The following DRC1 variants were observed in gnomAD, a reference collection of about 807,000 sequenced individuals.
DRC1 encodes the protein dynein regulatory complex subunit 1.
In DRC1, 74 loss-of-function variants were observed where a neutral mutation model predicts 98.7. The ratio of observed to expected loss-of-function variants is 0.75; its 90% CI spans 0.62 to 0.91. DRC1 has a LOEUF of 0.91. Ranked by LOEUF, DRC1 falls within the 40% of genes least tolerant of loss-of-function variation. DRC1 has a pLI of 0.00. For synonymous variants in DRC1, 336 were observed against 334.1 expected, an observed-to-expected ratio of 1.01 and a Z score of -0.06; for missense variants, 875 against 886.0, an observed-to-expected ratio of 0.99 and a Z score of 0.16.
intron 4 of DRC1, among the ~76,000 whole-genome samples, chr2:26,424,990 T>C (rs1333540734): frequency 6.6e-6 from 1 of 152,174 alleles, no homozygotes; most frequent in Non-Finnish European, 1.5e-5. Context: ...AGTTCAGTCA[T>C]GTTAAGTATA....
intron 10 of DRC1, among the ~76,000 whole-genome samples, chr2:26,446,409 G>A (rs138746606): frequency 9.1e-4 from 138 of 152,220 alleles, no homozygotes; most frequent in African/African-American, 3.3e-3. Flanking sequence ...TAGAAACCAC[G>A]CTGTGGGCGC....
chr2:26,418,864 TACA>T (rs1678945339), intron 2 of DRC1, among the ~76,000 whole-genome samples: 1 of 139,924 alleles, frequency 7.1e-6, no homozygotes, highest in African/African-American at 2.6e-5. Flanking sequence ...ATATTATATA[TACA>T]ACATTATATA....
intron 13 of DRC1, among the ~76,000 whole-genome samples, chr2:26,453,047 A>G (rs1306619093): frequency 1.3e-5 from 2 of 152,208 alleles, no homozygotes; most frequent in Non-Finnish European, 2.9e-5. Flanking sequence ...GAAGATTTCT[A>G]ACATGTAAGC....
intron 2 of DRC1, among the ~76,000 whole-genome samples, chr2:26,415,973 C>A (rs1678789398): frequency 6.7e-6 from 1 of 150,048 alleles, no homozygotes. Context: ...GATCTCTGAG[C>A]ATTTCTGTGT....
intron 7 of DRC1, among the ~76,000 whole-genome samples, chr2:26,436,572 C>A (rs1334057366): frequency 6.6e-6 from 1 of 152,150 alleles, no homozygotes; most frequent in Non-Finnish European, 1.5e-5. Flanking sequence ...TTTGGTCTCC[C>A]AAAGTGCTGG....
At chr2:26,402,194 A>G (rs773139814) in intron 1 of DRC1, 50 bp downstream of exon 1, 16 of 1,509,898 alleles carry the variant, frequency 1.1e-5, no homozygotes, top group Non-Finnish European at 1.4e-5. Flanking sequence ...GAGCCGGAGA[A>G]GGGCTGGTTT....
Position 26,429,741 on chromosome 2 carries a change from T to C in DRC1, c.654T>C (p.Phe218=). ...EEQVKNVMKT[F]REELYNIEKA... Reference sequence around the variant, plus strand: ...AGGTGAAGAATGTGATGAAAACCTTTCGTGAGGAGCTCTATAACATTGAGG... The same window carrying C: ...AGGTGAAGAATGTGATGAAAACCTTCCGTGAGGAGCTCTATAACATTGAGG... The change falls in exon 5 of 17, where the codon TTT becomes TTC. Residue 218 remains phenylalanine (F), a synonymous_variant. Coordinates refer to ENST00000288710, the MANE Select transcript of DRC1 (RefSeq NM_145038.5). 1.2e-6 allele frequency: 2 copies of C among 1,614,048 alleles called. No individual in the cohort carries two copies. The highest frequency in any genetic ancestry group is 8.5e-7 in the Non-Finnish European group (1 of 1,179,998).
intron 6 of DRC1, 86 bp downstream of exon 6, chr2:26,430,958 CTTTTTT>C (rs5830013): frequency 5.2e-5 from 18 of 344,458 alleles, no homozygotes; most frequent in East Asian, 2.6e-4. Context: ...CTTTTTCTAT[CTTTTTT>C]TTTTTTTTTT....
chr2:26,421,470 A>G, intron 3 of DRC1, 70 bp downstream of exon 3: 1 of 1,331,450 alleles, frequency 7.5e-7, no homozygotes, highest in Non-Finnish European at 1.1e-6. Context: ...GTTCTCCCGA[A>G]TTGTTGGAGG....
At chr2:26,445,987 T>C (rs1663841315) in intron 10 of DRC1, among the ~76,000 whole-genome samples, 1 of 152,194 alleles carries the variant, frequency 6.6e-6, no homozygotes, top group East Asian at 1.9e-4. Context: ...AACAGCGTCC[T>C]GGCTCTCCAG....
rs761603781 is a variant in DRC1 at position 26,456,501 on chromosome 2, G to A, written c.2207G>A (p.Arg736Gln). The A allele has an allele frequency of 4.7e-5, 76 of 1,613,964 alleles. No homozygotes were observed. The highest frequency in any genetic ancestry group is 5.9e-5 in the Non-Finnish European group (70 of 1,179,994). Residue 736 changes from arginine (R) to glutamine (Q), a missense_variant, in exon 17 of 17, where the codon CGG (arginine) becomes CAG (glutamine). Arg to Gln is a conservative substitution (Grantham distance 43). Coordinates refer to ENST00000288710, the MANE Select transcript of DRC1 (RefSeq NM_145038.5). ...ELQVPPTQVL[R>Q]VPTK ...CAAGTTCCTCCCACTCAGGTGTTGC[G>A]GGTACCCACAAAATGAGCTGGACCG...
At chr2:26,409,165 A>G (rs1442275861) in intron 1 of DRC1, among the ~76,000 whole-genome samples, 1 of 151,932 alleles carries the variant, frequency 6.6e-6, no homozygotes, top group Non-Finnish European at 1.5e-5. Flanking sequence ...CTCCTGGGTC[A>G]AGTGGTCCTC....
rs188055173 is a variant in DRC1, at chr2:26,450,005, A to C, written c.1519A>C (p.Ile507Leu). ...MLLCDESGFL[I>L]ESKLLSLLLP... ...TCTTCCTTCTCCCCAGGGGTTCCTC[A>C]TAGAGAGCAAGCTGCTGAGCCTTCT... The change falls in exon 12 of 17, where the codon ATA (isoleucine) becomes CTA (leucine). Residue 507 changes from isoleucine (I) to leucine (L), a missense_variant. Ile to Leu is a conservative substitution (Grantham distance 5, BLOSUM62 2). Transcript: ENST00000288710. 390 of 1,613,794 alleles carry C rather than the reference A, an allele frequency of 2.4e-4. 1 individual carries two copies. The East Asian group carries it at 7.0e-3, about 29-fold the overall frequency.
At chr2:26,430,556 G>A in intron 5 of DRC1, 1 of 612,132 alleles carries the variant, frequency 1.6e-6, no homozygotes. Flanking sequence ...CCACGGGACT[G>A]TTGGCACATC....
rs763278269 is a variant in DRC1 at position 26,444,359 on chromosome 2, A to G, written c.1163+3A>G. The G allele has an allele frequency of 1.9e-6, 3 of 1,613,688 alleles. No individual in the cohort carries two copies. Among genetic ancestry groups the G allele is most frequent in the Non-Finnish European group, 2.5e-6 (3 of 1,179,932 alleles). On this transcript the variant is annotated splice_donor_region_variant and intron_variant, in intron 9 of 16. Transcript: ENST00000288710. ...AAGGAGCTACAGAAAGCCATGAGGTATCTTAAGGACTTGGTCCTAAGGCAC... is the reference window on the plus strand; with the variant it reads ...AAGGAGCTACAGAAAGCCATGAGGTGTCTTAAGGACTTGGTCCTAAGGCAC...
At chr2:26,412,379 A>G (rs1678642490) in intron 1 of DRC1, among the ~76,000 whole-genome samples, 1 of 152,114 alleles carries the variant, frequency 6.6e-6, no homozygotes, top group African/African-American at 2.4e-5. Context: ...AAAAAACGAA[A>G]TGAAACCAAA....
intron 8 of DRC1, among the ~76,000 whole-genome samples, chr2:26,443,812 A>G (rs1361284520): frequency 6.6e-6 from 1 of 152,068 alleles, no homozygotes; most frequent in Non-Finnish European, 1.5e-5. Context: ...TTTTTTCTTT[A>G]AAATTTTCTT....
chr2:26,434,723 C>G (rs1191705273), intron 7 of DRC1, among the ~76,000 whole-genome samples: 1 of 152,024 alleles, frequency 6.6e-6, no homozygotes, highest in African/African-American at 2.4e-5. Flanking sequence ...AACCACGTCT[C>G]TACTAAAAAT....
chr2:26,416,218 A>C (rs992310703), intron 2 of DRC1, among the ~76,000 whole-genome samples: 1 of 152,158 alleles, frequency 6.6e-6, no homozygotes, highest in African/African-American at 2.4e-5. Flanking sequence ...AGATCTGGGC[A>C]GGCTGGTCCC....
Sources: allele counts gnomAD v4.1 joint callset (sites outside exome capture counted in the v4.1 genomes callset), GRCh38; gene constraint gnomAD v4.1.1; transcripts MANE v1.5; gene names NCBI Gene and HGNC (gene_info 2026-07-23, HGNC 2026-07-21).